Variants in LMO7 observed in about 807,000 individuals in gnomAD.
LMO7 encodes the protein LIM domain only protein 7.
A neutral mutation model predicts 206.5 loss-of-function variants in LMO7; 120 were observed. The ratio of observed to expected loss-of-function variants is 0.58; its 90% CI spans 0.50 to 0.68. LMO7 has a LOEUF of 0.68. Among genes scored for constraint, LMO7 ranks in the 30% least tolerant of loss-of-function variants. The pLI is 0.00. For synonymous variants in LMO7, 706 were observed against 681.5 expected (o/e 1.04, Z -0.56); for missense variants, 1,959 against 1,957.9 (o/e 1.00, Z -0.01).
At chr13:75,781,508 T>G in intron 4 of LMO7, among the ~76,000 whole-genome samples, 1 of 152,054 alleles carries the variant, frequency 6.6e-6, no homozygotes, top group African/African-American at 2.4e-5. Flanking sequence ...GTGACACATT[T>G]TCTTAATCCA....
chr13:75,737,634 T>G (rs1433201937), intron 3 of LMO7, among the ~76,000 whole-genome samples: 1 of 144,486 alleles, frequency 6.9e-6, no homozygotes, highest in East Asian at 2.0e-4. Flanking sequence ...GCGCCTGTAG[T>G]CCCAGCTACT....
chr13:75,703,739 T>TGTGTATGTGTGC (rs57290262), intron 1 of LMO7, among the ~76,000 whole-genome samples: 1 of 151,674 alleles, frequency 6.6e-6, no homozygotes, highest in African/African-American at 2.4e-5. Flanking sequence ...TGTGTGTGTG[T>TGTGTATGTGTGC]GCACTGTGAG....
At chr13:75,831,462 C>A (rs909139619) in intron 15 of LMO7, among the ~76,000 whole-genome samples, 1 of 152,106 alleles carries the variant, frequency 6.6e-6, no homozygotes, top group Admixed American at 6.6e-5. Flanking sequence ...TTCTTGTGTA[C>A]TCAGTCCATT....
intron 4 of LMO7, among the ~76,000 whole-genome samples, chr13:75,774,634 G>A (rs1216625953): frequency 6.6e-6 from 1 of 152,050 alleles, no homozygotes; most frequent in African/African-American, 2.4e-5. Context: ...ATCTTTCCAT[G>A]TACTTAATGG....
At chr13:75,732,975 C>T (rs1448273125) in intron 3 of LMO7, among the ~76,000 whole-genome samples, 1 of 152,158 alleles carries the variant, frequency 6.6e-6, no homozygotes, top group Admixed American at 6.5e-5. Context: ...TCTGATCGTT[C>T]CTCTGGAAGT....
intron 15 of LMO7, among the ~76,000 whole-genome samples, chr13:75,827,338 A>C (rs2058214589): frequency 6.6e-6 from 1 of 152,138 alleles, no homozygotes. Flanking sequence ...TATTTTACGA[A>C]AGCTAAGTCT....
intron 2 of LMO7, among the ~76,000 whole-genome samples, chr13:75,718,156 A>G (rs2138284391): frequency 6.6e-6 from 1 of 152,352 alleles, no homozygotes; most frequent in East Asian, 1.9e-4. Context: ...CCTGTGATGT[A>G]ATATCTGTGT....
At chr13:75,763,732 C>T (rs186524275) in intron 4 of LMO7, among the ~76,000 whole-genome samples, 268 of 152,144 alleles carry the variant, frequency 1.8e-3, no homozygotes, top group African/African-American at 6.3e-3. Flanking sequence ...AAAGGACAGT[C>T]GATATCCTCT....
intron 1 of LMO7, among the ~76,000 whole-genome samples, chr13:75,701,667 G>A (rs990079036): frequency 6.6e-6 from 1 of 152,072 alleles, no homozygotes; most frequent in African/African-American, 2.4e-5. Flanking sequence ...AATAATTTAA[G>A]GCTAGACTTT....
At chr13:75,628,469 C>A (rs1371872366) in intron 2 of LMO7, 13 of 152,136 alleles carry the variant, frequency 8.5e-5, no homozygotes, top group Admixed American at 8.5e-4. Flanking sequence ...AACATCACAT[C>A]TTTTTATTAC....
At chr13:75,697,401 C>T (rs556180020) in intron 1 of LMO7, among the ~76,000 whole-genome samples, 3 of 152,272 alleles carry the variant, frequency 2.0e-5, no homozygotes, top group East Asian at 1.9e-4. Flanking sequence ...GGATGTCTTA[C>T]ATGATGGCAG....
At chr13:75,832,306 T>C (rs534931908) in intron 15 of LMO7, among the ~76,000 whole-genome samples, 1 of 152,314 alleles carries the variant, frequency 6.6e-6, no homozygotes, top group Admixed American at 6.5e-5. Flanking sequence ...GCTATGAGAA[T>C]AATTATACCT....
chr13:75,703,728 G>GTA (rs768916699), intron 1 of LMO7, among the ~76,000 whole-genome samples: 12 of 149,650 alleles, frequency 8.0e-5, no homozygotes, highest in Admixed American at 4.0e-4. Flanking sequence ...GTGTGTGTGT[G>GTA]TGTGTGTGTG....
At chr13:75,719,245 G>T (rs2138327413) in intron 2 of LMO7, among the ~76,000 whole-genome samples, 1 of 127,040 alleles carries the variant, frequency 7.9e-6, no homozygotes, top group East Asian at 2.8e-4. Context: ...CTCCAAAAGT[G>T]CTGGGATTAT....
At chr13:75,768,757 A>T (rs1240550464) in intron 4 of LMO7, among the ~76,000 whole-genome samples, 2 of 152,102 alleles carry the variant, frequency 1.3e-5, no homozygotes, top group African/African-American at 4.8e-5. Context: ...TGTAGAGCTT[A>T]GGAATATTTT....
chr13:75,791,775 C>A (rs1272392402), intron 4 of LMO7, among the ~76,000 whole-genome samples: 1 of 152,100 alleles, frequency 6.6e-6, no homozygotes, highest in African/African-American at 2.4e-5. Context: ...CATCACATGG[C>A]TTACAGCCTT....
chr13:75,682,399 G>A (rs768588463), intron 1 of LMO7, among the ~76,000 whole-genome samples: 3 of 152,178 alleles, frequency 2.0e-5, no homozygotes, highest in Non-Finnish European at 4.4e-5. Context: ...GTTAGGAGAT[G>A]GGGAGAGGGT....
At chr13:75,854,311 A>G (rs952788392) in intron 28 of LMO7, among the ~76,000 whole-genome samples, 1 of 152,202 alleles carries the variant, frequency 6.6e-6, no homozygotes, top group Admixed American at 6.5e-5. Context: ...ATCCAAAATA[A>G]TTTTACAGGT....
At chr13:75,690,014 C>T (rs574851651) in intron 1 of LMO7, among the ~76,000 whole-genome samples, 6 of 152,114 alleles carry the variant, frequency 3.9e-5, no homozygotes, top group East Asian at 1.9e-4. Context: ...GGAAAGAGAA[C>T]CGAAGAGAAC....
Sources: gnomAD v4.1 joint callset for allele counts (sites outside exome capture counted in the v4.1 genomes callset) on GRCh38, gnomAD v4.1.1 for gene constraint, MANE v1.5 for transcripts, NCBI Gene and HGNC (gene_info 2026-07-23, HGNC 2026-07-21) for gene names.